The following IQGAP2 variants were observed in gnomAD, a reference collection of about 807,000 sequenced individuals.
IQGAP2 encodes the protein ras GTPase-activating-like protein IQGAP2.
In IQGAP2, 173 loss-of-function variants were observed where a neutral mutation model predicts 201.3. The observed-to-expected ratio is 0.86, with a 90% CI of 0.76 to 0.98. The LOEUF (loss-of-function observed/expected upper bound fraction) is 0.98, where lower values mean the gene tolerates loss of function less well. Ranked by LOEUF, IQGAP2 falls within the 50% of genes least tolerant of loss-of-function variation. The pLI is 0.00. For synonymous variants in IQGAP2, 675 were observed against 673.9 expected (o/e 1.00, Z -0.03); for missense variants, 1,687 against 1,864.8 (o/e 0.90, Z 1.76).
chr5:76,687,946 T>C (rs1389267170), intron 30 of IQGAP2, among the ~76,000 whole-genome samples: 1 of 152,194 alleles, frequency 6.6e-6, no homozygotes, highest in African/African-American at 2.4e-5. Context: ...CCCCACCCTG[T>C]CCATGGAAAA....
intron 2 of IQGAP2, among the ~76,000 whole-genome samples, chr5:76,540,377 T>C (rs991566407): frequency 6.6e-6 from 1 of 152,072 alleles, no homozygotes; most frequent in Non-Finnish European, 1.5e-5. Context: ...TGGCAGAGTA[T>C]GGAAACTAGA....
At chr5:76,515,126 T>C (rs573945300) in intron 2 of IQGAP2, among the ~76,000 whole-genome samples, 6 of 152,354 alleles carry the variant, frequency 3.9e-5, no homozygotes, top group Non-Finnish European at 7.3e-5. Flanking sequence ...TAATATGTTT[T>C]AACCAGTACA....
chr5:76,617,894 G>A (rs1749150071), intron 13 of IQGAP2: 1 of 1,613,958 alleles, frequency 6.2e-7, no homozygotes, highest in Non-Finnish European at 8.5e-7. Context: ...ATGGAATTAA[G>A]AATCCAAAGA....
At chr5:76,636,495 C>T (rs1751138343) in intron 15 of IQGAP2, among the ~76,000 whole-genome samples, 1 of 152,164 alleles carries the variant, frequency 6.6e-6, no homozygotes, top group African/African-American at 2.4e-5. Flanking sequence ...TTCTTTTTCC[C>T]CACTTTAGTT....
chr5:76,533,168 G>A (rs1020684240), intron 2 of IQGAP2, among the ~76,000 whole-genome samples: 8 of 148,908 alleles, frequency 5.4e-5, no homozygotes, highest in Non-Finnish European at 1.2e-4. Context: ...GCAGATGGGT[G>A]TTTTTTTTTT....
At chr5:76,444,843 T>C (rs1263208036) in intron 1 of IQGAP2, among the ~76,000 whole-genome samples, 1 of 152,174 alleles carries the variant, frequency 6.6e-6, no homozygotes. Flanking sequence ...TTTCATAGAC[T>C]ATCGGCTTAA....
At chr5:76,695,423 A>G in intron 31 of IQGAP2, 31 bp from the exon 32 acceptor site, 1 of 1,585,228 alleles carries the variant, frequency 6.3e-7, no homozygotes, top group South Asian at 1.1e-5. Flanking sequence ...GGGATCAGAG[A>G]AAACTCAGCA....
intron 21 of IQGAP2, among the ~76,000 whole-genome samples, chr5:76,663,123 G>T (rs553829313): frequency 6.6e-6 from 1 of 152,198 alleles, no homozygotes; most frequent in Non-Finnish European, 1.5e-5. Flanking sequence ...AAGACCTGAC[G>T]GTGGTTCTCA....
chr5:76,658,229 T>C (rs1342267280), intron 20 of IQGAP2, among the ~76,000 whole-genome samples: 2 of 151,942 alleles, frequency 1.3e-5, no homozygotes, highest in African/African-American at 4.8e-5. Context: ...AAAAGGGGAG[T>C]TGATAACTAG....
rs142856203 is a variant in IQGAP2, at chr5:76,598,052, T to G, written c.1071+450T>G. Among the ~76,000 whole-genome samples the G allele has an allele frequency of 4.6e-5, 7 of 152,310 alleles. No individual in the cohort carries two copies. The East Asian group carries it at 5.8e-4, about 13-fold the overall frequency. ...GTGCACCTTAATATGACAACAGCAT[T>G]CAACAATAATTTCATACAAGGTTAC... On this transcript the variant is annotated intron_variant, in intron 10 of 35. Transcript: ENST00000274364.
intron 2 of IQGAP2, among the ~76,000 whole-genome samples, chr5:76,542,319 A>T (rs1322489707): frequency 6.6e-6 from 1 of 152,186 alleles, no homozygotes; most frequent in Non-Finnish European, 1.5e-5. Flanking sequence ...AAAAAATCTG[A>T]ATCTTCCACT....
intron 17 of IQGAP2, among the ~76,000 whole-genome samples, chr5:76,644,879 C>T (rs1182889506): frequency 6.6e-6 from 1 of 152,090 alleles, no homozygotes; most frequent in Admixed American, 6.5e-5. Context: ...GCTTTAAGTT[C>T]GGGATACATG....
intron 30 of IQGAP2, among the ~76,000 whole-genome samples, chr5:76,685,937 G>A (rs1056842192): frequency 3.3e-5 from 5 of 152,072 alleles, no homozygotes; most frequent in Admixed American, 6.6e-5. Context: ...CCCATTCCCC[G>A]CTGCTGCCCA....
intron 17 of IQGAP2, among the ~76,000 whole-genome samples, chr5:76,644,295 C>CTTTTTT (rs547155944): frequency 0.01 from 482 of 47,746 alleles, 103 homozygotes; most frequent in Non-Finnish European, 0.014. Context: ...TTTGTAAATC[C>CTTTTTT]TTTTTTTTTT....
At chr5:76,568,270 G>A (rs575376182) in intron 3 of IQGAP2, among the ~76,000 whole-genome samples, 1 of 152,302 alleles carries the variant, frequency 6.6e-6, no homozygotes, top group South Asian at 2.1e-4. Context: ...CTTTTCTTCA[G>A]TGCCTCTTAA....
intron 14 of IQGAP2, among the ~76,000 whole-genome samples, chr5:76,630,457 C>A (rs575238260): frequency 2.6e-5 from 4 of 151,988 alleles, no homozygotes. Context: ...AGAGTTCCAT[C>A]GAAAATGGTT....
At chr5:76,695,374 A>G in intron 31 of IQGAP2, 80 bp from the exon 32 acceptor site, 2 of 1,201,870 alleles carry the variant, frequency 1.7e-6, no homozygotes, top group Middle Eastern at 3.9e-4. Flanking sequence ...TCATTTTGAC[A>G]TTAACTTGCA....
intron 13 of IQGAP2, chr5:76,617,515 T>C (rs1343573955): frequency 1.8e-5 from 23 of 1,248,854 alleles, no homozygotes. Context: ...CCTTGCACTA[T>C]GCTTATGTTG....
chr5:76,665,141 TA>T lies in IQGAP2; in HGVS notation c.2646del (p.Glu883LysfsTer20), dbSNP rs1743637224. The T allele has an allele frequency of 6.2e-7, 1 of 1,613,574 alleles. No individual in the cohort carries two copies. The highest frequency in any genetic ancestry group is 2.2e-5 in the East Asian group (1 of 44,832). The part of the protein sequence containing the change: ...KSLSKERRKT[L>X]ETYQQLFYLL... ...TTGAGTAAGGAGAGGAGAAAAACAC[TA>T]GAAACATATCAGCAGCTGTTTTACC... is the stretch of plus-strand genomic sequence containing the variant. On this transcript the variant is annotated frameshift_variant, in exon 22 of 36. Coordinates refer to ENST00000274364, the MANE Select transcript of IQGAP2 (RefSeq NM_006633.5). LOFTEE classifies it high-confidence loss of function.
Sources: gnomAD v4.1 joint callset for allele counts (sites outside exome capture counted in the v4.1 genomes callset) on GRCh38, gnomAD v4.1.1 for gene constraint, MANE v1.5 for transcripts, NCBI Gene and HGNC (gene_info 2026-07-23, HGNC 2026-07-21) for gene names.